The following AGMO variants were observed in gnomAD, a reference collection of about 807,000 sequenced individuals.
AGMO encodes the protein alkylglycerol monooxygenase, also known as glyceryl-ether monooxygenase.
In AGMO, 75 loss-of-function variants were observed where a neutral mutation model predicts 60.2. The observed-to-expected ratio is 1.25, with a 90% CI of 1.03 to 1.51. The LOEUF is 1.51. AGMO is among the 40% of genes most tolerant of loss of function. The pLI is 0.00. For synonymous variants in AGMO, 261 were observed against 177.1 expected (o/e 1.47, Z -3.76); for missense variants, 763 against 525.5 (o/e 1.45, Z -4.42).
chr7:15,280,259 G>A (rs537184230), intron 12 of AGMO, among the ~76,000 whole-genome samples: 3 of 152,308 alleles, frequency 2.0e-5, no homozygotes, highest in South Asian at 4.1e-4. Flanking sequence ...AGCTGGTGGA[G>A]CAGTGTGGGT....
chr7:15,338,777 G>GAA (rs924000067), intron 12 of AGMO, among the ~76,000 whole-genome samples: 1 of 152,004 alleles, frequency 6.6e-6, no homozygotes, highest in African/African-American at 2.4e-5. Flanking sequence ...TCTTCCTCTG[G>GAA]AAAAGGGTGC....
chr7:15,524,223 T>A (rs1476564710), intron 3 of AGMO, among the ~76,000 whole-genome samples: 1 of 152,076 alleles, frequency 6.6e-6, no homozygotes, highest in Non-Finnish European at 1.5e-5. Flanking sequence ...TATATACTTT[T>A]TTTTTATATT....
At chr7:15,469,290 T>G (rs1013554826) in intron 3 of AGMO, among the ~76,000 whole-genome samples, 1 of 152,242 alleles carries the variant, frequency 6.6e-6, no homozygotes, top group African/African-American at 2.4e-5. Context: ...AATAAACTGA[T>G]GTCACATTGT....
chr7:15,458,412 G>A (rs1158424241), intron 3 of AGMO, among the ~76,000 whole-genome samples: 2 of 152,200 alleles, frequency 1.3e-5, no homozygotes, highest in Admixed American at 1.3e-4. Flanking sequence ...TGAAGCTTGG[G>A]AGTGGTGTGA....
chr7:15,384,731 C>T (rs1262938689), intron 10 of AGMO, among the ~76,000 whole-genome samples: 2 of 151,682 alleles, frequency 1.3e-5, no homozygotes, highest in Admixed American at 6.6e-5. Flanking sequence ...AATTTAGTTA[C>T]CTTACTGCTT....
At chr7:15,350,428 C>A (rs908208219) in intron 12 of AGMO, among the ~76,000 whole-genome samples, 1 of 152,206 alleles carries the variant, frequency 6.6e-6, no homozygotes. Context: ...GATGATGATG[C>A]CACTTAAATA....
rs944215877 is a variant in AGMO, at chr7:15,417,842, A to G, written c.609+716T>C. On this transcript the variant is annotated intron_variant, in intron 5 of 12. Coordinates refer to ENST00000342526, the MANE Select transcript of AGMO (RefSeq NM_001004320.2). ...AACATGCTTCCTCTAGTAACTTCAA[A>G]AGGCTTCCAATAAATACCAAATGTT... is the stretch of plus-strand genomic sequence containing the variant. 5.3e-5 allele frequency among the ~76,000 whole-genome samples: 8 copies of G among 152,154 alleles called. 1 individual carries two copies. The South Asian group carries it at 8.3e-4, about 16-fold the overall frequency.
chr7:15,368,307 T>C (rs929318250), intron 10 of AGMO, among the ~76,000 whole-genome samples: 2 of 151,050 alleles, frequency 1.3e-5, no homozygotes, highest in African/African-American at 2.4e-5. Flanking sequence ...CAGAAAAATA[T>C]TTTCCTGGTG....
chr7:15,274,883 G>C lies in AGMO; in HGVS notation c.1264-73524C>G, dbSNP rs112506663. On this transcript the variant is annotated intron_variant, in intron 12 of 12. Coordinates refer to ENST00000342526, the MANE Select transcript of AGMO (RefSeq NM_001004320.2). ...GTCTCTAATCATTTTTTTTTCTGTG[G>C]TATCAGTTGTAATGTCACCTTTATA... 1.3e-4 allele frequency among the ~76,000 whole-genome samples: 19 copies of C among 151,194 alleles called. 1 individual carries two copies. The highest frequency in any genetic ancestry group is 4.6e-4 in the African/African-American group (19 of 41,274).
chr7:15,554,182 T>C (rs912178587), intron 2 of AGMO, among the ~76,000 whole-genome samples: 6 of 152,006 alleles, frequency 3.9e-5, no homozygotes, highest in African/African-American at 1.4e-4. Context: ...TAAACCAAAG[T>C]TCCTTCCTCT....
intron 12 of AGMO, among the ~76,000 whole-genome samples, chr7:15,221,041 G>T (rs1781904517): frequency 6.6e-6 from 1 of 152,154 alleles, no homozygotes; most frequent in Non-Finnish European, 1.5e-5. Context: ...GAATAACTTG[G>T]TGTTGTTTTA....
At chr7:15,162,554 T>C in the AGMO span, among the ~76,000 whole-genome samples, 1 of 152,034 alleles carries the variant, frequency 6.6e-6, no homozygotes, top group South Asian at 2.1e-4. Context: ...ATTAGCTGGG[T>C]ACGGTGGCAT....
At chr7:15,400,338 C>A (rs935925384) in intron 5 of AGMO, among the ~76,000 whole-genome samples, 1 of 152,172 alleles carries the variant, frequency 6.6e-6, no homozygotes, top group African/African-American at 2.4e-5. Flanking sequence ...AAAAGTGCTA[C>A]TGGCATCTAG....
chr7:15,531,492 T>A (rs1400983814), intron 3 of AGMO, among the ~76,000 whole-genome samples: 1 of 55,946 alleles, frequency 1.8e-5, no homozygotes, highest in African/African-American at 6.7e-5. Context: ...ATATATTCTA[T>A]ATATATTCTA....
chr7:15,452,414 A>T (rs1781879571), intron 3 of AGMO, among the ~76,000 whole-genome samples: 1 of 152,318 alleles, frequency 6.6e-6, no homozygotes, highest in African/African-American at 2.4e-5. Flanking sequence ...CTTATTTTTA[A>T]ATGGGCAATG....
chr7:15,178,973 A>T, the AGMO span, among the ~76,000 whole-genome samples: 2 of 152,136 alleles, frequency 1.3e-5, no homozygotes, highest in Non-Finnish European at 2.9e-5. Flanking sequence ...TTGTCCTTTT[A>T]TAAGGAGCCC....
intron 2 of AGMO, among the ~76,000 whole-genome samples, chr7:15,547,181 T>A (rs983927022): frequency 4.6e-5 from 7 of 152,150 alleles, no homozygotes; most frequent in African/African-American, 1.7e-4. Context: ...TTAGGACCCT[T>A]CCTTCTCACC....
chr7:15,242,713 C>T (rs1782628064), intron 12 of AGMO, among the ~76,000 whole-genome samples: 1 of 152,070 alleles, frequency 6.6e-6, no homozygotes, highest in African/African-American at 2.4e-5. Flanking sequence ...ACATGATTAC[C>T]ACTTTCCCCA....
intron 12 of AGMO, among the ~76,000 whole-genome samples, chr7:15,267,225 G>T (rs1226117293): frequency 6.6e-6 from 1 of 150,798 alleles, no homozygotes; most frequent in African/African-American, 2.4e-5. Flanking sequence ...TGCTTTAAAA[G>T]TATTTCCAGT....
Sources: allele counts gnomAD v4.1 joint callset (sites outside exome capture counted in the v4.1 genomes callset), GRCh38; gene constraint gnomAD v4.1.1; transcripts MANE v1.5; gene names NCBI Gene and HGNC (gene_info 2026-07-23, HGNC 2026-07-21).